SNHG17: variants seen among roughly 807,000 people sequenced by gnomAD.
The protein encoded by SNHG17 is small nucleolar RNA host gene 17 (non-protein coding).
intron 3 of SNHG17, chr20:38,427,217 G>A: frequency 2.7e-6 from 1 of 369,188 alleles, no homozygotes; most frequent in Non-Finnish European, 5.5e-6. Context: ...AGCTGAGAAA[G>A]ACTTAAGCAT....
At chr20:38,432,290 C>A in intron 2 of SNHG17, 1 of 434,822 alleles carries the variant, frequency 2.3e-6, no homozygotes, top group Non-Finnish European at 3.1e-6. Flanking sequence ...TCATCTTATG[C>A]ACATATTGTT....
intron 5 of SNHG17, among the ~76,000 whole-genome samples, chr20:38,424,182 A>T (rs944046325): frequency 4.8e-4 from 63 of 132,196 alleles, no homozygotes; most frequent in African/African-American, 1.4e-3. Flanking sequence ...AAAAAAAAAA[A>T]TTAAAAAAAA....
intron 5 of SNHG17, chr20:38,422,287 C>G (rs2084167655): frequency 6.6e-6 from 1 of 152,346 alleles, no homozygotes; most frequent in Non-Finnish European, 1.5e-5. Context: ...TCCAAAAATC[C>G]CACCTTGCGG....
At chr20:38,432,319 C>A in intron 2 of SNHG17, 1 of 314,244 alleles carries the variant, frequency 3.2e-6, no homozygotes, top group Non-Finnish European at 4.6e-6. Context: ...GATCCTGAAG[C>A]AGTACACTGA....
intron 5 of SNHG17, chr20:38,425,275 C>G: frequency 1.9e-6 from 1 of 519,174 alleles, no homozygotes; most frequent in Non-Finnish European, 3.8e-6. Context: ...TGATTCCTCT[C>G]CCTGCACTAT....
exon 2 of SNHG17, chr20:38,434,577 G>A (rs922106283): frequency 6.4e-6 from 1 of 157,314 alleles, no homozygotes; most frequent in Non-Finnish European, 1.4e-5. Flanking sequence ...AGGAGAGAGA[G>A]GGCGCTGGCT....
intron 1 of SNHG17, chr20:38,434,906 C>A: frequency 8.2e-7 from 1 of 1,220,988 alleles, no homozygotes; most frequent in Non-Finnish European, 1.0e-6. Flanking sequence ...CTAAAGTCGC[C>A]GAGCCCTGTT....
At chr20:38,433,254 G>C (rs2084367894) in intron 2 of SNHG17, among the ~76,000 whole-genome samples, 1 of 152,188 alleles carries the variant, frequency 6.6e-6, no homozygotes, top group South Asian at 2.1e-4. Flanking sequence ...GGGATTACAG[G>C]TGTGAGCCAT....
chr20:38,432,481 T>C (rs1431453117), intron 2 of SNHG17, among the ~76,000 whole-genome samples: 4 of 152,206 alleles, frequency 2.6e-5, no homozygotes, highest in Non-Finnish European at 2.9e-5. Flanking sequence ...CAGCCATGCC[T>C]AGCTATACCT....
intron 2 of SNHG17, among the ~76,000 whole-genome samples, chr20:38,433,534 T>A (rs1031176580): frequency 1.2e-4 from 19 of 152,248 alleles, no homozygotes; most frequent in African/African-American, 4.6e-4. Context: ...GAGTTCAAGC[T>A]ATGATCACGC....
intron 5 of SNHG17, chr20:38,425,291 A>ACCC: frequency 1.9e-6 from 1 of 519,182 alleles, no homozygotes. Flanking sequence ...ACTATCAATG[A>ACCC]CCAGGGCAAA....
chr20:38,435,026 C>A, intron 1 of SNHG17: 1 of 1,230,976 alleles, frequency 8.1e-7, no homozygotes, highest in Non-Finnish European at 1.0e-6. Flanking sequence ...GCGCGACTCA[C>A]CTGCCAGTGT....
At chr20:38,430,169 A>T (rs1001126007) in intron 3 of SNHG17, among the ~76,000 whole-genome samples, 1 of 151,980 alleles carries the variant, frequency 6.6e-6, no homozygotes, top group African/African-American at 2.4e-5. Flanking sequence ...ATACAAAAAA[A>T]CATTAGCCAG....
chr20:38,425,141 G>A, intron 5 of SNHG17: 1 of 497,542 alleles, frequency 2.0e-6, no homozygotes, highest in Non-Finnish European at 4.1e-6. Context: ...AGGTAAACAG[G>A]GGTCTGGCAC....
intron 1 of SNHG17, chr20:38,434,789 G>A (rs1264265962): frequency 1.1e-6 from 1 of 942,876 alleles, no homozygotes; most frequent in Non-Finnish European, 1.3e-6. Flanking sequence ...GTTATTGAGG[G>A]GAAAACGAGT....
At position 38,425,320 on chromosome 20, in the gene SNHG17, T is replaced by C. The variant is rs747624722; in HGVS notation, n.579+615A>G. 1.7e-5 allele frequency: 9 copies of C among 519,064 alleles called. 1 individual carries two copies. The highest frequency in any genetic ancestry group is 1.3e-4 in the South Asian group (9 of 71,594). 32.2% of individuals were successfully genotyped at this position (519,064 alleles called of 1,614,324 possible). The stretch of plus-strand genomic sequence containing the variant: ...GGGCAAAGGCAGCCCACGATCACTT[T>C]CGAATACAGGGACAAAATAGGGCAG... On this transcript the variant is annotated intron_variant and non_coding_transcript_variant, in intron 5 of 8. Transcript: ENST00000654008.
intron 3 of SNHG17, chr20:38,427,348 C>CCTCCAAACACGGGGACAGG (rs2084267344): frequency 1.9e-6 from 1 of 517,976 alleles, no homozygotes; most frequent in South Asian, 1.4e-5. Flanking sequence ...TAGGGTGGAC[C>CCTCCAAACACGGGGACAGG]CTCCAAACAC....
intron 3 of SNHG17, chr20:38,429,526 C>G (rs1226747430): frequency 1.7e-5 from 5 of 297,128 alleles, no homozygotes; most frequent in Non-Finnish European, 3.2e-5. Context: ...CCCAGCCCTT[C>G]TGCTCCATGA....
chr20:38,423,897 G>T (rs566038773), intron 5 of SNHG17, among the ~76,000 whole-genome samples: 1 of 152,172 alleles, frequency 6.6e-6, no homozygotes, highest in African/African-American at 2.4e-5. Flanking sequence ...GTTGGGTGTG[G>T]TGGCTCACGC....
Sources: allele counts gnomAD v4.1 joint callset (sites outside exome capture counted in the v4.1 genomes callset), GRCh38; gene constraint gnomAD v4.1.1; transcripts MANE v1.5; gene names NCBI Gene and HGNC (gene_info 2026-07-23, HGNC 2026-07-21).